The following DOK6 variants were observed in gnomAD, a reference collection of about 807,000 sequenced individuals.
The protein encoded by DOK6 is downstream of tyrosine kinase 6.
Under a neutral mutation model 44.0 loss-of-function variants are expected in DOK6, and 22 were observed. The observed-to-expected ratio is 0.50, with a 90% CI of 0.36 to 0.71. DOK6 has a LOEUF of 0.71. Among genes scored for constraint, DOK6 ranks in the 30% least tolerant of loss-of-function variants. DOK6 has a pLI of 0.00. For missense variants in DOK6, 340 were observed against 416.4 expected, an observed-to-expected ratio of 0.82 and a Z score of 1.60; for synonymous variants, 166 against 145.5, an observed-to-expected ratio of 1.14 and a Z score of -1.01.
chr18:69,426,624 A>G (rs371724089), intron 1 of DOK6, among the ~76,000 whole-genome samples: 1 of 152,224 alleles, frequency 6.6e-6, no homozygotes, highest in Admixed American at 6.5e-5. Flanking sequence ...AAGAAAATCT[A>G]CAAAGTTAGA....
Position 69,532,994 on chromosome 18 carries a change from G to T in DOK6, c.67-31493G>T, listed in dbSNP as rs1292911420. Reference sequence around the variant, plus strand: ...TGGAAAAACATCAATTTCAATGTCTGTTCTTTTGGGAACAAACAGATAGTC... The same window carrying T: ...TGGAAAAACATCAATTTCAATGTCTTTTCTTTTGGGAACAAACAGATAGTC... On this transcript the variant is annotated intron_variant, in intron 1 of 7. Transcript: ENST00000382713. 18 of 152,108 alleles carry T rather than the reference G, an allele frequency of 1.2e-4. 1 individual carries two copies. Among genetic ancestry groups the T allele is most frequent in the Admixed American group, 1.2e-3 (18 of 15,282 alleles). 9.4% of individuals were successfully genotyped at this position (152,108 alleles called of 1,614,324 possible). A position where few individuals can be genotyped will look rare whatever the true frequency, so the allele number is the denominator to read the frequency against.
chr18:69,825,558 C>T (rs1452346848), intron 7 of DOK6, among the ~76,000 whole-genome samples: 1 of 151,152 alleles, frequency 6.6e-6, no homozygotes, highest in Non-Finnish European at 1.5e-5. Context: ...CTCAGTCTCC[C>T]GAGTAGCTGG....
intron 3 of DOK6, among the ~76,000 whole-genome samples, chr18:69,628,443 T>C (rs541524216): frequency 1.3e-5 from 2 of 152,198 alleles, no homozygotes; most frequent in South Asian, 4.1e-4. Flanking sequence ...TGAGCCAAGA[T>C]CACGCCACTG....
At chr18:69,688,971 T>C (rs897188083) in intron 4 of DOK6, among the ~76,000 whole-genome samples, 6 of 152,304 alleles carry the variant, frequency 3.9e-5, no homozygotes, top group South Asian at 4.1e-4. Context: ...AGATTTCTTA[T>C]ATAAAACGCT....
intron 5 of DOK6, among the ~76,000 whole-genome samples, chr18:69,735,815 A>T (rs1386128882): frequency 2.0e-5 from 3 of 152,236 alleles, no homozygotes; most frequent in Non-Finnish European, 4.4e-5. Context: ...AGGCCCCAGA[A>T]ATCAAATCCC....
intron 7 of DOK6, among the ~76,000 whole-genome samples, chr18:69,759,553 T>G (rs1452471819): frequency 2.6e-5 from 4 of 152,116 alleles, no homozygotes; most frequent in Admixed American, 2.6e-4. Context: ...AAATAAAAAC[T>G]CTTGTTTTCA....
rs372296519 is a variant in DOK6, at chr18:69,508,974, T to C, written c.67-55513T>C. ...TTTAAAAGCAAATTATATATTTTGA[T>C]AAAAATCTTATTTATATTGCTAAGG... On this transcript the variant is annotated intron_variant, in intron 1 of 7. Coordinates refer to ENST00000382713, the MANE Select transcript of DOK6 (RefSeq NM_152721.6). 1.3e-4 allele frequency among the ~76,000 whole-genome samples: 20 copies of C among 152,340 alleles called. No homozygotes were observed. In the East Asian group the frequency reaches 2.7e-3, roughly 21 times the overall value.
chr18:69,407,369 A>T (rs928856829), intron 1 of DOK6, among the ~76,000 whole-genome samples: 1 of 152,206 alleles, frequency 6.6e-6, no homozygotes, highest in African/African-American at 2.4e-5. Context: ...GTTTTGAGGA[A>T]GACATAATTT....
At chr18:69,459,941 C>T (rs1979741651) in intron 1 of DOK6, among the ~76,000 whole-genome samples, 1 of 152,024 alleles carries the variant, frequency 6.6e-6, no homozygotes, top group East Asian at 1.9e-4. Context: ...ATTACTTTTC[C>T]TATTTCTTTA....
intron 5 of DOK6, among the ~76,000 whole-genome samples, chr18:69,720,809 C>A (rs1423574813): frequency 6.6e-6 from 1 of 152,086 alleles, no homozygotes; most frequent in African/African-American, 2.4e-5. Flanking sequence ...CGAAAAAATT[C>A]TCTGTAAGGC....
At chr18:69,428,875 C>A (rs1223887263) in intron 1 of DOK6, among the ~76,000 whole-genome samples, 2 of 152,178 alleles carry the variant, frequency 1.3e-5, no homozygotes, top group African/African-American at 4.8e-5. Flanking sequence ...GAATCATTGT[C>A]TTTAATTGTG....
intron 2 of DOK6, among the ~76,000 whole-genome samples, chr18:69,584,716 A>G (rs1021074542): frequency 5.3e-5 from 8 of 152,260 alleles, no homozygotes; most frequent in Admixed American, 2.0e-4. Context: ...GGTAAATTCA[A>G]TTATGAAACC....
chr18:69,821,725 C>G (rs548482327), intron 7 of DOK6, among the ~76,000 whole-genome samples: 1 of 151,714 alleles, frequency 6.6e-6, no homozygotes, highest in East Asian at 1.9e-4. Context: ...AATTTTTCCC[C>G]TGTGAAAATC....
At chr18:69,437,991 A>G (rs770046986) in intron 1 of DOK6, among the ~76,000 whole-genome samples, 5 of 152,208 alleles carry the variant, frequency 3.3e-5, no homozygotes, top group Non-Finnish European at 5.9e-5. Context: ...AAAAATGCCA[A>G]TGATCATCTG....
intron 2 of DOK6, among the ~76,000 whole-genome samples, chr18:69,597,031 T>C (rs558569243): frequency 2.6e-5 from 4 of 152,034 alleles, no homozygotes; most frequent in African/African-American, 9.6e-5. Flanking sequence ...ATACACTTGA[T>C]CTCCTCTCAG....
intron 1 of DOK6, among the ~76,000 whole-genome samples, chr18:69,418,678 C>A (rs1387723020): frequency 6.6e-6 from 1 of 151,618 alleles, no homozygotes; most frequent in African/African-American, 2.4e-5. Context: ...TGCTGTGTTG[C>A]CAATGTTGGT....
intron 3 of DOK6, among the ~76,000 whole-genome samples, chr18:69,668,418 T>A (rs78034399): frequency 0.018 from 2,792 of 152,264 alleles, 95 homozygotes; most frequent in African/African-American, 0.064. Context: ...ATTCTTTTCA[T>A]TTTTCCTATA....
intron 1 of DOK6, among the ~76,000 whole-genome samples, chr18:69,476,057 A>C (rs973265592): frequency 6.6e-6 from 1 of 152,064 alleles, no homozygotes; most frequent in Non-Finnish European, 1.5e-5. Flanking sequence ...TCTCACCTCC[A>C]ATAGTCCCCA....
intron 7 of DOK6, among the ~76,000 whole-genome samples, chr18:69,836,037 C>T (rs1349599976): frequency 6.6e-6 from 1 of 152,174 alleles, no homozygotes; most frequent in South Asian, 2.1e-4. Context: ...GTTGGTCATT[C>T]TGTGTCAGCA....
Sources: allele counts gnomAD v4.1 joint callset (sites outside exome capture counted in the v4.1 genomes callset), GRCh38; gene constraint gnomAD v4.1.1; transcripts MANE v1.5; gene names NCBI Gene and HGNC (gene_info 2026-07-23, HGNC 2026-07-21).